Variants in ABCC3 observed in about 807,000 individuals in gnomAD.
ABCC3 encodes the protein ATP binding cassette subfamily C member 3.
Under a neutral mutation model 165.3 loss-of-function variants are expected in ABCC3, and 121 were observed. That is an observed-to-expected ratio of 0.73 (90% confidence interval 0.63 to 0.85). The LOEUF (loss-of-function observed/expected upper bound fraction) is 0.85. ABCC3 is among the 40% of genes least tolerant of loss of function. The pLI, the probability that ABCC3 is intolerant of heterozygous loss-of-function variation, is 0.00. For synonymous variants in ABCC3, 733 were observed against 810.1 expected (o/e 0.90, Z 1.62); for missense variants, 1,869 against 1,964.1 (o/e 0.95, Z 0.92).
Position 50,663,710 on chromosome 17 carries a change from T to G in ABCC3, c.1028T>G (p.Met343Arg). Residue 343 changes from methionine to arginine, a missense_variant, in exon 9 of 31, where the codon ATG (methionine) becomes AGG (arginine). Transcript: ENST00000285238. ...CTGATCAGGTTTATCTCCAACCCCA[T>G]GGCCCCCTCCTGGTGGGGCTTCCTG... ...SILIRFISNP[M>R]APSWWGFLVA... 1.2e-6 allele frequency: 2 copies of G among 1,614,208 alleles called. No individual in the cohort carries two copies. Among genetic ancestry groups the G allele is most frequent in the Non-Finnish European group, 1.7e-6 (2 of 1,180,040 alleles).
At chr17:50,660,811 C>G in intron 7 of ABCC3, 112 bp from the exon 8 acceptor site, 1 of 922,974 alleles carries the variant, frequency 1.1e-6, no homozygotes, top group Non-Finnish European at 1.6e-6. Context: ...CTCTGAGAGC[C>G]AAGAAAACAG....
chr17:50,662,637 C>CAAA (rs60389534), intron 8 of ABCC3, among the ~76,000 whole-genome samples: 897 of 74,842 alleles, frequency 0.012, 31 homozygotes, highest in African/African-American at 0.037. Context: ...GACCCTGTCT[C>CAAA]AAAAAAAAAA....
chr17:50,677,083 T>C (rs1248216669), intron 23 of ABCC3, among the ~76,000 whole-genome samples: 2 of 152,210 alleles, frequency 1.3e-5, no homozygotes, highest in African/African-American at 2.4e-5. Context: ...GGTTTCACTA[T>C]GTTGGCCAGG....
chr17:50,679,698 C>A (rs936258854), intron 25 of ABCC3, 100 bp from the exon 26 acceptor site: 1 of 1,142,132 alleles, frequency 8.8e-7, no homozygotes, highest in Non-Finnish European at 1.3e-6. Flanking sequence ...GGGCTAGGAT[C>A]CCATGGATGG....
chr17:50,652,409 T>TG (rs397719775), intron 1 of ABCC3, among the ~76,000 whole-genome samples: 40 of 152,132 alleles, frequency 2.6e-4, no homozygotes, highest in African/African-American at 9.6e-4. Flanking sequence ...AAGATTTTTT[T>TG]GTTTGATTTC....
intron 8 of ABCC3, among the ~76,000 whole-genome samples, chr17:50,661,339 TGTGTAC>T (rs1320090262): frequency 2.0e-5 from 3 of 152,226 alleles, no homozygotes; most frequent in Non-Finnish European, 4.4e-5. Flanking sequence ...GGCACCGTGG[TGTGTAC>T]GTTAACAAGC....
In ABCC3 at chr17:50,658,500, A is replaced by C; in HGVS notation, c.674+4A>C. 1 of 1,613,402 alleles carries C rather than the reference A, an allele frequency of 6.2e-7. No individual in the cohort carries two copies. The highest frequency in any genetic ancestry group is 8.5e-7 in the Non-Finnish European group (1 of 1,179,340). ...TGTTTTTCTGGTGGTTCACAAAGTG[A>C]GTTGGCTCTTCCACCAGCCAGGCCA... is the stretch of plus-strand genomic sequence containing the variant. On this transcript the variant is annotated splice_donor_region_variant and intron_variant, in intron 6 of 30. Coordinates refer to ENST00000285238, the MANE Select transcript of ABCC3 (RefSeq NM_003786.4).
intron 17 of ABCC3, among the ~76,000 whole-genome samples, chr17:50,670,178 G>C (rs528442500): frequency 2.0e-5 from 3 of 152,050 alleles, no homozygotes; most frequent in African/African-American, 7.2e-5. Flanking sequence ...CACCTCCCGG[G>C]TTCAAGCAAT....
chr17:50,681,031 G>A (rs1967918042), intron 26 of ABCC3, among the ~76,000 whole-genome samples: 1 of 151,636 alleles, frequency 6.6e-6, no homozygotes, highest in Non-Finnish European at 1.5e-5. Context: ...AGCCGAGATT[G>A]CGCCACTGCA....
intron 6 of ABCC3, 91 bp downstream of exon 6, chr17:50,658,587 C>A: frequency 7.0e-7 from 1 of 1,420,474 alleles, no homozygotes; most frequent in Non-Finnish European, 9.9e-7. Context: ...GTTTAGGGAC[C>A]GGGCTGGCCA....
chr17:50,658,157 G>C lies in ABCC3; in HGVS notation c.562G>C (p.Ala188Pro). The C allele has an allele frequency of 6.2e-7, 1 of 1,614,132 alleles. No homozygotes were observed. The highest frequency in any genetic ancestry group is 8.5e-7 in the Non-Finnish European group (1 of 1,180,028). Residue 188 changes from alanine to proline, a missense_variant, in exon 5 of 31, where the codon GCC (alanine) becomes CCC (proline). Coordinates refer to ENST00000285238, the MANE Select transcript of ABCC3 (RefSeq NM_003786.4). ...CCTGGTACTCTCTGCCCTCATCTTG[G>C]CCTGCTTCAGGGAGAAACCTCCATT... The part of the protein sequence containing the change: ...FALVLSALIL[A>P]CFREKPPFFS...
At chr17:50,668,742 C>A (rs1022784990) in intron 14 of ABCC3, 111 bp from the exon 15 acceptor site, 2 of 928,534 alleles carry the variant, frequency 2.2e-6, no homozygotes, top group African/African-American at 1.6e-5. Context: ...GATCCCCTCC[C>A]CATGGCCCAG....
At chr17:50,663,920 C>G in intron 9 of ABCC3, 30 bp from the exon 10 acceptor site, 1 of 1,614,206 alleles carries the variant, frequency 6.2e-7, no homozygotes, top group Non-Finnish European at 8.5e-7. Context: ...AGGCTCGCAG[C>G]CAAGTCCACC....
At chr17:50,662,006 G>T (rs1204483718) in intron 8 of ABCC3, 3 of 152,326 alleles carry the variant, frequency 2.0e-5, no homozygotes, top group African/African-American at 7.2e-5. Context: ...CAACGAGAGG[G>T]AGGGGCAGGA....
At chr17:50,655,416 A>AAC (rs1967212816) in intron 1 of ABCC3, among the ~76,000 whole-genome samples, 2 of 148,840 alleles carry the variant, frequency 1.3e-5, no homozygotes, top group Non-Finnish European at 3.0e-5. Flanking sequence ...AAAAAAAAAA[A>AAC]AAAAACAAAA....
chr17:50,690,581 C>T (rs557967547), intron 30 of ABCC3, among the ~76,000 whole-genome samples: 1 of 152,304 alleles, frequency 6.6e-6, no homozygotes, highest in South Asian at 2.1e-4. Flanking sequence ...TGGGCTCAGG[C>T]CTAGCTGTTT....
chr17:50,687,661 G>C lies in ABCC3; in HGVS notation c.4406G>C (p.Arg1469Pro), dbSNP rs1264167287. The change falls in exon 30 of 31, where the codon CGC becomes CCC. Residue 1469 changes from arginine to proline, a missense_variant. By Grantham distance (103) the Arg-to-Pro change is moderately radical. Coordinates refer to ENST00000285238, the MANE Select transcript of ABCC3 (RefSeq NM_003786.4). ...GACAACCTCATCCAGGCTACCATCC[G>C]CACCCAGTTTGATACCTGCACTGTC... ...ETDNLIQATI[R>P]TQFDTCTVLT... The C allele has an allele frequency of 6.8e-6, 11 of 1,614,222 alleles. No homozygotes were observed. Among genetic ancestry groups the C allele is most frequent in the Non-Finnish European group, 9.3e-6 (11 of 1,180,042 alleles).
intron 1 of ABCC3, among the ~76,000 whole-genome samples, chr17:50,637,566 AG>A (rs1441010981): frequency 3.3e-5 from 5 of 151,616 alleles, no homozygotes; most frequent in Non-Finnish European, 5.9e-5. Flanking sequence ...AAATGCAAGG[AG>A]GGGGTGGGGT....
intron 27 of ABCC3, 88 bp downstream of exon 27, chr17:50,683,844 C>T: frequency 6.4e-7 from 1 of 1,559,464 alleles, no homozygotes; most frequent in Non-Finnish European, 8.7e-7. Flanking sequence ...CTTTTGAGAG[C>T]ACAAGTGCTC....
Sources: gnomAD v4.1 joint callset for allele counts (sites outside exome capture counted in the v4.1 genomes callset) on GRCh38, gnomAD v4.1.1 for gene constraint, MANE v1.5 for transcripts, NCBI Gene and HGNC (gene_info 2026-07-23, HGNC 2026-07-21) for gene names.